SCD5: variants seen among roughly 807,000 people sequenced by gnomAD.
SCD5 encodes the protein acyl-CoA-desaturase 4.
SCD5 carries 20 observed loss-of-function variants against 30.4 expected under a neutral mutation model. The observed-to-expected ratio is 0.66, with a 90% CI of 0.46 to 0.96. The LOEUF is 0.96. Among genes scored for constraint, SCD5 ranks in the 40% least tolerant of loss-of-function variants. The probability of loss-of-function intolerance (pLI) is 0.00; values close to 1 mark genes in which losing one functional copy is unlikely to be tolerated. For missense variants in SCD5, 381 were observed against 443.3 expected (o/e 0.86, Z 1.26); for synonymous variants, 173 against 176.4 (o/e 0.98, Z 0.16).
intron 3 of SCD5, among the ~76,000 whole-genome samples, chr4:82,678,442 C>T (rs918045504): frequency 1.2e-4 from 18 of 152,064 alleles, no homozygotes; most frequent in African/African-American, 3.9e-4. Flanking sequence ...CTATTATACC[C>T]GGCTCATTTC....
chr4:82,686,292 C>T (rs1182844921), intron 2 of SCD5, among the ~76,000 whole-genome samples: 1 of 152,198 alleles, frequency 6.6e-6, no homozygotes, highest in African/African-American at 2.4e-5. Context: ...AGGCATGAGC[C>T]ACTGCACCCA....
At chr4:82,741,853 C>CGGGGTGGGGGGGGGGGG (rs1720878933) in intron 1 of SCD5, among the ~76,000 whole-genome samples, 1 of 45,406 alleles carries the variant, frequency 2.2e-5, no homozygotes, top group African/African-American at 7.3e-5. Context: ...TCAGAGTGGG[C>CGGGGTGGGGGGGGGGGG]GGGGGGGGGG....
At chr4:82,665,087 A>T (rs1436865591) in intron 3 of SCD5, among the ~76,000 whole-genome samples, 1 of 124,402 alleles carries the variant, frequency 8.0e-6, no homozygotes, top group Non-Finnish European at 1.6e-5. Flanking sequence ...TTTTTTTTTT[A>T]ATTTAATCAG....
At chr4:82,730,283 A>G (rs1720604680) in intron 1 of SCD5, among the ~76,000 whole-genome samples, 2 of 147,556 alleles carry the variant, frequency 1.4e-5, no homozygotes, top group South Asian at 4.2e-4. Flanking sequence ...AGTTATATAT[A>G]CTATATATAA....
chr4:82,788,719 G>A (rs1006957248), intron 1 of SCD5, among the ~76,000 whole-genome samples: 1 of 152,196 alleles, frequency 6.6e-6, no homozygotes, highest in Non-Finnish European at 1.5e-5. Flanking sequence ...GACACCAGCT[G>A]TGAGGATCAG....
chr4:82,734,097 A>G (rs909689292), intron 1 of SCD5, among the ~76,000 whole-genome samples: 2 of 152,210 alleles, frequency 1.3e-5, no homozygotes, highest in Non-Finnish European at 2.9e-5. Context: ...TTAGAGGTAG[A>G]TAACACAGCA....
chr4:82,783,922 T>C (rs1721933455), intron 1 of SCD5, among the ~76,000 whole-genome samples: 1 of 151,874 alleles, frequency 6.6e-6, no homozygotes, highest in Admixed American at 6.6e-5. Context: ...TCTCAGAAAA[T>C]ATACACTAAA....
At chr4:82,751,466 A>G (rs1188707915) in intron 1 of SCD5, among the ~76,000 whole-genome samples, 1 of 152,192 alleles carries the variant, frequency 6.6e-6, no homozygotes, top group Non-Finnish European at 1.5e-5. Flanking sequence ...TTTATGTTTC[A>G]CTAAATCTTT....
chr4:82,690,505 T>C (rs1301850388), intron 2 of SCD5, among the ~76,000 whole-genome samples: 2 of 152,222 alleles, frequency 1.3e-5, no homozygotes, highest in African/African-American at 4.8e-5. Flanking sequence ...CCATTTCTAC[T>C]CTACCACCCT....
At chr4:82,735,160 T>A (rs1002989716) in intron 1 of SCD5, among the ~76,000 whole-genome samples, 5 of 152,200 alleles carry the variant, frequency 3.3e-5, no homozygotes, top group African/African-American at 1.2e-4. Context: ...TTGATGAGAT[T>A]TTTGAAAATT....
chr4:82,684,080 C>T (rs536912894), intron 2 of SCD5, among the ~76,000 whole-genome samples: 82 of 152,206 alleles, frequency 5.4e-4, no homozygotes, highest in African/African-American at 1.9e-3. Context: ...AATTATAATA[C>T]AACAACAATG....
intron 3 of SCD5, among the ~76,000 whole-genome samples, chr4:82,663,480 G>A (rs185652034): frequency 1.6e-4 from 25 of 152,266 alleles, no homozygotes; most frequent in African/African-American, 6.0e-4. Flanking sequence ...GCTGCTACTG[G>A]CAACAAGAAC....
intron 2 of SCD5, among the ~76,000 whole-genome samples, chr4:82,695,260 T>A (rs1719674812): frequency 6.6e-6 from 1 of 152,116 alleles, no homozygotes; most frequent in African/African-American, 2.4e-5. Flanking sequence ...GAAATATTTA[T>A]TTATTTATTT....
chr4:82,746,760 G>C (rs1227600859), intron 1 of SCD5, among the ~76,000 whole-genome samples: 1 of 151,948 alleles, frequency 6.6e-6, no homozygotes, highest in Non-Finnish European at 1.5e-5. Context: ...AAGAGCAAGG[G>C]AGGTGCTGAG....
chr4:82,727,430 C>T (rs966237475), intron 1 of SCD5, among the ~76,000 whole-genome samples: 1 of 152,224 alleles, frequency 6.6e-6, no homozygotes, highest in Non-Finnish European at 1.5e-5. Flanking sequence ...ACAGGTCCCA[C>T]TCCTGGAGTT....
intron 1 of SCD5, among the ~76,000 whole-genome samples, chr4:82,781,207 G>A (rs1011495579): frequency 2.0e-5 from 3 of 152,122 alleles, no homozygotes; most frequent in Non-Finnish European, 2.9e-5. Context: ...CTGAGCTCAG[G>A]AGTTCGAGAC....
intron 1 of SCD5, among the ~76,000 whole-genome samples, chr4:82,788,297 C>T (rs1248168766): frequency 6.6e-6 from 1 of 152,182 alleles, no homozygotes; most frequent in Non-Finnish European, 1.5e-5. Context: ...AAGAAAGTGT[C>T]CAACCCTGAT....
At position 82,786,542 on chromosome 4, in the gene SCD5, G is replaced by C. The variant is rs182211934; in HGVS notation, c.232+11764C>G. Among the ~76,000 whole-genome samples, 9 of 152,248 alleles carry C rather than the reference G, an allele frequency of 5.9e-5. No homozygotes were observed. In the East Asian group the frequency reaches 1.5e-3, roughly 26 times the overall value. ...CGGCCAGGCGCAGTGGCTCATGCTT[G>C]TAATGCCAGCACTTTGGGAAGCCGA... On this transcript the variant is annotated intron_variant, in intron 1 of 4. Coordinates refer to ENST00000319540, the MANE Select transcript of SCD5 (RefSeq NM_001037582.3).
At chr4:82,700,606 C>T (rs1276640168) in intron 2 of SCD5, among the ~76,000 whole-genome samples, 1 of 151,752 alleles carries the variant, frequency 6.6e-6, no homozygotes, top group Admixed American at 6.6e-5. Flanking sequence ...CAAAATTACT[C>T]TTCGAAAATG....
Sources: allele counts gnomAD v4.1 joint callset (sites outside exome capture counted in the v4.1 genomes callset), GRCh38; gene constraint gnomAD v4.1.1; transcripts MANE v1.5; gene names NCBI Gene and HGNC (gene_info 2026-07-23, HGNC 2026-07-21).